Variants in ZNF208 observed in about 807,000 individuals in gnomAD.
ZNF208 encodes zinc finger protein 95.
A neutral mutation model predicts 12.1 loss-of-function variants in ZNF208; 10 were observed. The observed-to-expected ratio is 0.83, with a 90% CI of 0.51 to 1.40. The LOEUF (loss-of-function observed/expected upper bound fraction) is 1.40. Ranked by LOEUF, ZNF208 falls within the 40% of genes most tolerant of loss-of-function variation. The pLI, the probability that ZNF208 is intolerant of heterozygous loss-of-function variation, is 0.00. For synonymous variants in ZNF208, 497 were observed against 488.4 expected (o/e 1.02, Z -0.23); for missense variants, 1,652 against 1,485.0 (o/e 1.11, Z -1.85).
intron 1 of ZNF208, among the ~76,000 whole-genome samples, chr19:22,008,703 T>C (rs1971092599): frequency 6.6e-6 from 1 of 152,184 alleles, no homozygotes; most frequent in Admixed American, 6.5e-5. Context: ...AACAGCAATA[T>C]GTCTCCAAGA....
intron 2 of ZNF208, 99 bp from the exon 3 acceptor site, chr19:21,987,410 T>A: frequency 8.4e-7 from 1 of 1,183,508 alleles, no homozygotes; most frequent in Non-Finnish European, 1.1e-6. Context: ...AATATTCTAA[T>A]AGATTTATCC....
chr19:21,988,634 A>T (rs1453444297), intron 2 of ZNF208, 149 bp downstream of exon 2: 1 of 1,458,074 alleles, frequency 6.9e-7, no homozygotes, highest in Non-Finnish European at 9.4e-7. Flanking sequence ...GACTAGAAGC[A>T]AGGAGGCCCC....
intron 1 of ZNF208, among the ~76,000 whole-genome samples, chr19:22,001,510 C>T (rs574828833): frequency 2.0e-5 from 3 of 152,178 alleles, no homozygotes; most frequent in Admixed American, 1.3e-4. Context: ...TATGTAAGAA[C>T]AGCATCATTC....
chr19:21,972,524 T>C lies in ZNF208; in HGVS notation c.2510A>G (p.Glu837Gly), dbSNP rs1970319359. 3 of 1,613,166 alleles carry C rather than the reference T, an allele frequency of 1.9e-6. No homozygotes were observed. The highest frequency in any genetic ancestry group is 1.7e-6 in the Non-Finnish European group (2 of 1,179,840). Residue 837 changes from glutamate to glycine, a missense_variant, in exon 4 of 4, where the codon GAA becomes GGA. Physicochemically the swap from Glu to Gly is moderately conservative, Grantham distance 98. Coordinates refer to ENST00000397126, the MANE Select transcript of ZNF208 (RefSeq NM_007153.3). ...HAGEKPYKCK[E>G]CGKAFSKFSI... ...GAACTTACTAAAGGCTTTGCCACATTCTTTACATTTGTAGGGCTTTTCTCC... is the reference window on the plus strand; with the variant it reads ...GAACTTACTAAAGGCTTTGCCACATCCTTTACATTTGTAGGGCTTTTCTCC...
chr19:22,008,031 G>A (rs914659357), intron 1 of ZNF208, among the ~76,000 whole-genome samples: 45 of 140,230 alleles, frequency 3.2e-4, no homozygotes, highest in Admixed American at 2.9e-3. Flanking sequence ...AGGGCCGGGC[G>A]CGGTGGCTCA....
At chr19:21,942,405 T>C (rs1326982361) in intron 4 of ZNF208, among the ~76,000 whole-genome samples, 3 of 152,210 alleles carry the variant, frequency 2.0e-5, no homozygotes, top group Non-Finnish European at 4.4e-5. Flanking sequence ...ACTAATTTTA[T>C]TTTATAAACA....
rs1345590329 is a variant in ZNF208 at position 21,971,802 on chromosome 19, T to G, written c.3232A>C (p.Thr1078Pro). The G allele has an allele frequency of 6.2e-7, 1 of 1,613,736 alleles. No individual in the cohort carries two copies. The highest frequency in any genetic ancestry group is 8.5e-7 in the Non-Finnish European group (1 of 1,179,900). ...WPSRLTEHKATHAGEEPYKCE... is the reference protein window; with the variant it reads ...WPSRLTEHKAPHAGEEPYKCE... ...TTGTAGGGTTCCTCTCCAGCATGAG[T>G]TGCCTTATGTTCAGTAAGTCTTGAG... The change falls in exon 4 of 4, where the codon ACT becomes CCT. Residue 1078 changes from threonine (T) to proline (P), a missense_variant. Physicochemically the swap from Thr to Pro is conservative, Grantham distance 38 (BLOSUM62 -1). Transcript: ENST00000397126.
At chr19:21,955,989 T>G (rs1045734787) in intron 4 of ZNF208, among the ~76,000 whole-genome samples, 3 of 152,212 alleles carry the variant, frequency 2.0e-5, no homozygotes, top group Non-Finnish European at 4.4e-5. Context: ...TGGTCTTTGA[T>G]GATGGTGATG....
intron 3 of ZNF208, among the ~76,000 whole-genome samples, chr19:21,977,338 CAG>C (rs1568447261): frequency 6.6e-6 from 1 of 152,184 alleles, no homozygotes; most frequent in Non-Finnish European, 1.5e-5. Context: ...GCGATCGACA[CAG>C]AAGGTGGGTG....
intron 4 of ZNF208, among the ~76,000 whole-genome samples, chr19:21,947,910 C>T (rs1476676899): frequency 6.6e-6 from 1 of 152,042 alleles, no homozygotes. Flanking sequence ...ATCTAGAAAA[C>T]GAGCGGGATG....
intron 4 of ZNF208, among the ~76,000 whole-genome samples, chr19:21,957,566 C>T (rs2145523594): frequency 6.6e-6 from 1 of 152,304 alleles, no homozygotes; most frequent in Non-Finnish European, 1.5e-5. Context: ...CTTAGAAACA[C>T]TATGCTCTTG....
chr19:21,991,878 T>C (rs1052837652), intron 1 of ZNF208: 1 of 151,948 alleles, frequency 6.6e-6, no homozygotes, highest in Non-Finnish European at 1.5e-5. Context: ...CTAGAGATCC[T>C]GTTAATGCAG....
In ZNF208 at chr19:21,972,520, A is replaced by C; in HGVS notation, c.2514T>G (p.Cys838Trp). 6.2e-7 allele frequency: 1 copy of C among 1,613,122 alleles called. No individual in the cohort carries two copies. The highest frequency in any genetic ancestry group is 8.5e-7 in the Non-Finnish European group (1 of 1,179,846). ...TTGAGAACTTACTAAAGGCTTTGCC[A>C]CATTCTTTACATTTGTAGGGCTTTT... ...AGEKPYKCKECGKAFSKFSIL... is the reference protein window; with the variant it reads ...AGEKPYKCKEWGKAFSKFSIL... The change falls in exon 4 of 4, where the codon TGT (cysteine) becomes TGG (tryptophan). Residue 838 changes from cysteine to tryptophan, a missense_variant. By Grantham distance (215) the Cys-to-Trp change is radical. Coordinates refer to ENST00000397126, the MANE Select transcript of ZNF208 (RefSeq NM_007153.3).
rs781606208 is a variant in ZNF208, at chr19:21,972,222, T to A, written c.2812A>T (p.Thr938Ser). ...WLSVFSKHKKTHAGEKFYKCE... is the reference protein window; with the variant it reads ...WLSVFSKHKKSHAGEKFYKCE... ...TTGTAGAATTTCTCTCCAGCATGAGTTTTCTTATGTTTACTAAAGACTGAC... is the reference window on the plus strand; with the variant it reads ...TTGTAGAATTTCTCTCCAGCATGAGATTTCTTATGTTTACTAAAGACTGAC... The change falls in exon 4 of 4, where the codon ACT becomes TCT. Residue 938 changes from threonine to serine, a missense_variant. Coordinates refer to ENST00000397126, the MANE Select transcript of ZNF208 (RefSeq NM_007153.3). 6.7e-5 allele frequency: 108 copies of A among 1,613,302 alleles called. No individual in the cohort carries two copies. Among genetic ancestry groups the A allele is most frequent in the Non-Finnish European group, 8.5e-5 (100 of 1,179,866 alleles).
At position 21,969,698 on chromosome 19, in the gene ZNF208, A is replaced by T. The variant is rs1970243668; in HGVS notation, c.*1493T>A. Among the ~76,000 whole-genome samples the T allele has an allele frequency of 6.6e-6, 1 of 152,112 alleles. No individual in the cohort carries two copies. Among genetic ancestry groups the T allele is most frequent in the Admixed American group, 6.6e-5 (1 of 15,256 alleles). On this transcript the variant is annotated 3_prime_UTR_variant, in exon 4 of 4. Transcript: ENST00000397126. Reference sequence around the variant, plus strand: ...ACCTCAGGTTTTCCTGTAGTACAAAATGTGTACAATAAAATCTGTGATACA... The same window carrying T: ...ACCTCAGGTTTTCCTGTAGTACAAATTGTGTACAATAAAATCTGTGATACA...
In ZNF208 at chr19:21,973,558, A is replaced by T. The variant is rs1970354915; in HGVS notation, c.1476T>A (p.Ala492=). 1.9e-6 allele frequency: 3 copies of T among 1,612,870 alleles called. No homozygotes were observed. Among genetic ancestry groups the T allele is most frequent in the Non-Finnish European group, 2.5e-6 (3 of 1,179,762 alleles). The change falls in exon 4 of 4, where the codon GCT becomes GCA. Residue 492 remains alanine, a synonymous_variant. Transcript: ENST00000397126. ...KCEECDKATH[A]GEKPYKCEEC... is the part of the protein sequence containing the mutation. ...CTTCACATTTGTAGGGTTTCTCTCC[A>T]GCATGAGTTGCCTTATCACATTCTT...
rs776644291 is a variant in ZNF208 at position 21,973,682 on chromosome 19, G to C, written c.1352C>G (p.Thr451Arg). The change falls in exon 4 of 4, where the codon ACA (threonine) becomes AGA (arginine). Residue 451 changes from threonine (T) to arginine (R), a missense_variant. Thr to Arg is a moderately conservative substitution (Grantham distance 71). Transcript: ENST00000397126. ...MEHKKIHTGE[T>R]PYKCEECGKG... Reference sequence around the variant, plus strand: ...GCCACATTCTTCACATTTGTAGGGTGTCTCTCCAGTGTGAATTTTCTTATG... The same window carrying C: ...GCCACATTCTTCACATTTGTAGGGTCTCTCTCCAGTGTGAATTTTCTTATG... 9 of 1,546,900 alleles carry C rather than the reference G, an allele frequency of 5.8e-6. No individual in the cohort carries two copies. Among genetic ancestry groups the C allele is most frequent in the Middle Eastern group, 3.4e-4 (2 of 5,824 alleles).
chr19:21,972,474 T>G lies in ZNF208; in HGVS notation c.2560A>C (p.Ile854Leu). 6.2e-7 allele frequency: 1 copy of G among 1,613,162 alleles called. No individual in the cohort carries two copies. The highest frequency in any genetic ancestry group is 8.5e-7 in the Non-Finnish European group (1 of 1,179,856). ...KFSILTKHKV[I>L]HTGEKPYKCE... ...TTGTAGGGTTTCTCTCCAGTATGAA[T>G]TACCTTATGTTTAGTAAGGATTGAG... Residue 854 changes from isoleucine (I) to leucine (L), a missense_variant, in exon 4 of 4, where the codon ATT becomes CTT. By Grantham distance (5) the Ile-to-Leu change is conservative (BLOSUM62 2). Around this residue, in one of 3 missense-constraint regions of ZNF208, gnomAD observed 1,239 missense variants for 1,086.2 expected, o/e 1.14. Coordinates refer to ENST00000397126, the MANE Select transcript of ZNF208 (RefSeq NM_007153.3).
At chr19:22,008,605 TTTATTTCACTATTTTTCTGTCCCC>T (rs1188358386) in intron 1 of ZNF208, among the ~76,000 whole-genome samples, 2 of 152,146 alleles carry the variant, frequency 1.3e-5, no homozygotes, top group Admixed American at 6.5e-5. Flanking sequence ...TTTTACCATT[TTTATTTCACTATTTTTCTGTCCCC>T]TAAGAGAATC....
Sources: allele counts gnomAD v4.1 joint callset (sites outside exome capture counted in the v4.1 genomes callset), GRCh38; gene constraint gnomAD v4.1.1; regional missense constraint gnomAD v4.1.1; transcripts MANE v1.5; gene names NCBI Gene and HGNC (gene_info 2026-07-23, HGNC 2026-07-21).